Variants in EVI5L observed in about 807,000 individuals in gnomAD.
EVI5L encodes the protein EVI5-like protein.
In EVI5L, 30 loss-of-function variants were observed where a neutral mutation model predicts 106.1. The ratio of observed to expected loss-of-function variants is 0.28; its 90% confidence interval spans 0.21 to 0.38. The LOEUF is 0.38. Among genes scored for constraint, EVI5L ranks in the 10% least tolerant of loss-of-function variants. The pLI is 1.00. For missense variants in EVI5L, 809 were observed against 1,098.0 expected, an observed-to-expected ratio of 0.74 and a Z score of 3.72; for synonymous variants, 489 against 483.3, an observed-to-expected ratio of 1.01 and a Z score of -0.15.
At chr19:7,861,512 G>A (rs1456002648) in intron 14 of EVI5L, among the ~76,000 whole-genome samples, 1 of 152,258 alleles carries the variant, frequency 6.6e-6, no homozygotes, top group African/African-American at 2.4e-5. Context: ...GGTGTGGCCT[G>A]GCCTGGGGGC....
At position 7,856,748 on chromosome 19, in the gene EVI5L, A is replaced by G. The variant is rs1156790024; in HGVS notation, c.1201-344A>G. Among the ~76,000 whole-genome samples, 1 of 152,046 alleles carries G rather than the reference A, an allele frequency of 6.6e-6. No homozygotes were observed. Among genetic ancestry groups the G allele is most frequent in the African/African-American group, 2.4e-5 (1 of 41,392 alleles). ...TCTCCAGGAGGTCCGCACGAAGCCA[A>G]AAGTCCCCCTGCCCCCCACAGTTTT... On this transcript the variant is annotated intron_variant, in intron 11 of 19. Transcript: ENST00000538904. The surrounding 1 kb of genome is among the most constrained non-coding windows in gnomAD (Gnocchi z 6.6).
chr19:7,864,037 CTGAA>C lies in EVI5L; in HGVS notation c.*339_*342del, dbSNP rs1980000950. The C allele has an allele frequency of 1.0e-5, 3 of 299,254 alleles. No individual in the cohort carries two copies. The South Asian group carries it at 3.2e-4, about 32-fold the overall frequency. The allele number at this position is 299,254 out of a possible 1,614,324, so 18.5% of individuals were successfully genotyped here. ...GACAGACGACCCAGAGGTCCCAGCA[CTGAA>C]TGAGCAGGCAGCTCCCACCTCCTGG... On this transcript the variant is annotated 3_prime_UTR_variant, in exon 20 of 20. Transcript: ENST00000538904. This position sits in a 1 kb window ranked among gnomAD's most constrained non-coding sequence, Gnocchi z 4.5.
In EVI5L at chr19:7,849,150, G is replaced by T. The variant is rs373064291; in HGVS notation, c.552+5G>T. 1 of 1,610,996 alleles carries T rather than the reference G, an allele frequency of 6.2e-7. No individual in the cohort carries two copies. Among genetic ancestry groups the T allele is most frequent in the Middle Eastern group, 1.7e-4 (1 of 6,056 alleles). Reference sequence around the variant, plus strand: ...GTCCTCTTCAACGTCATGAAGGTGAGGCCCAGGGCTCCCCGCTCCCTCGGT... The same window carrying T: ...GTCCTCTTCAACGTCATGAAGGTGATGCCCAGGGCTCCCCGCTCCCTCGGT... On this transcript the variant is annotated splice_donor_5th_base_variant and intron_variant, in intron 4 of 19. Coordinates refer to ENST00000538904, the MANE Select transcript of EVI5L (RefSeq NM_001159944.3).
chr19:7,833,700 C>T (rs1019948450), intron 1 of EVI5L, among the ~76,000 whole-genome samples: 3 of 152,184 alleles, frequency 2.0e-5, no homozygotes, highest in Admixed American at 6.5e-5. Context: ...CTTTGATAGG[C>T]GTCTTACTAC....
At chr19:7,852,571 T>C (rs544976936) in intron 8 of EVI5L, among the ~76,000 whole-genome samples, 8 of 120,242 alleles carry the variant, frequency 6.7e-5, no homozygotes, top group African/African-American at 2.1e-4. Flanking sequence ...TTTTTTTTTT[T>C]AAGTCGGAGT....
chr19:7,847,819 C>A lies in EVI5L; in HGVS notation c.225C>A (p.Ala75=). ...CCTCGCTAGTGTCCAGCTCCTCGGC[C>A]TCCTCCAACCTGAGCCACCTGGAGG... ...SGSSLVSSSS[A]SSNLSHLEED... Residue 75 remains alanine (A), a synonymous_variant, in exon 3 of 20, where the codon GCC becomes GCA. Transcript: ENST00000538904. 1 of 1,611,892 alleles carries A rather than the reference C, an allele frequency of 6.2e-7. No individual in the cohort carries two copies. Among genetic ancestry groups the A allele is most frequent in the Non-Finnish European group, 8.5e-7 (1 of 1,179,196 alleles).
chr19:7,860,814 A>G, intron 14 of EVI5L, 125 bp downstream of exon 14: 2 of 1,135,662 alleles, frequency 1.8e-6, no homozygotes, highest in East Asian at 2.9e-5. Flanking sequence ...AACCATACAT[A>G]TGCACACACA....
chr19:7,831,652 C>G (rs1978293856), intron 1 of EVI5L, among the ~76,000 whole-genome samples: 2 of 152,256 alleles, frequency 1.3e-5, no homozygotes, highest in Non-Finnish European at 2.9e-5. Flanking sequence ...CTCTCCTACA[C>G]TAGTGTCCCG....
chr19:7,859,957 G>A (rs1348786810), intron 13 of EVI5L, among the ~76,000 whole-genome samples: 3 of 152,238 alleles, frequency 2.0e-5, no homozygotes, highest in Admixed American at 2.0e-4. Context: ...AGGCCACAAG[G>A]TCAGTGAGAG....
chr19:7,854,738 A>G (rs1568241550), intron 10 of EVI5L, among the ~76,000 whole-genome samples: 1 of 152,200 alleles, frequency 6.6e-6, no homozygotes, highest in Non-Finnish European at 1.5e-5. Flanking sequence ...CCAGATTGCT[A>G]TGAGGACCAG....
intron 16 of EVI5L, 43 bp from the exon 17 acceptor site, chr19:7,862,345 C>T (rs1485058783): frequency 6.3e-7 from 1 of 1,580,784 alleles, no homozygotes; most frequent in Non-Finnish European, 8.6e-7. Context: ...GAGTTAGGCC[C>T]TGACCGCCGC....
chr19:7,850,456 TG>T lies in EVI5L; in HGVS notation c.753+336del. Among the ~76,000 whole-genome samples, 1 of 151,990 alleles carries T rather than the reference TG, an allele frequency of 6.6e-6. No individual in the cohort carries two copies. The highest frequency in any genetic ancestry group is 1.9e-4 in the East Asian group (1 of 5,150). On this transcript the variant is annotated intron_variant, in intron 6 of 19. Transcript: ENST00000538904. The surrounding 1 kb of genome is among the most constrained non-coding windows in gnomAD (Gnocchi z 5.4). ...CCTCCCTGTCTGCTCCAGAGTGTGG[TG>T]GAAGGAGGGAGTGTTGTCTGCCTGC...
Position 7,846,504 on chromosome 19 carries a change from G to A in EVI5L, c.-39G>A, listed in dbSNP as rs1434368336. ...ATGTCTCTGGCCCCCAGACAGAGCTGTGAACCAACCCCGCTCACGGCTAAC... is the reference window on the plus strand; with the variant it reads ...ATGTCTCTGGCCCCCAGACAGAGCTATGAACCAACCCCGCTCACGGCTAAC... On this transcript the variant is annotated 5_prime_UTR_variant, in exon 2 of 20. The change creates a new upstream start codon in the 5' untranslated region. Coordinates refer to ENST00000538904, the MANE Select transcript of EVI5L (RefSeq NM_001159944.3). 6.3e-7 allele frequency: 1 copy of A among 1,583,944 alleles called. No individual in the cohort carries two copies. Among genetic ancestry groups the A allele is most frequent in the South Asian group, 1.1e-5 (1 of 88,058 alleles).
chr19:7,846,897 AG>A (rs1978976639), intron 2 of EVI5L, among the ~76,000 whole-genome samples: 2 of 152,226 alleles, frequency 1.3e-5, no homozygotes. Context: ...AAGGTTTGAG[AG>A]GTCAAGTGAA....
chr19:7,852,466 C>A (rs1002272185), intron 8 of EVI5L, among the ~76,000 whole-genome samples: 1 of 152,182 alleles, frequency 6.6e-6, no homozygotes, highest in Non-Finnish European at 1.5e-5. Context: ...CTCCTTCCCC[C>A]ACGAAGGTCC....
intron 10 of EVI5L, 98 bp from the exon 11 acceptor site, chr19:7,855,916 TG>T: frequency 8.8e-7 from 1 of 1,130,284 alleles, no homozygotes; most frequent in South Asian, 3.9e-5. Context: ...AAAAGTGGCC[TG>T]GCCCTAAGGG....
At chr19:7,854,446 G>A (rs1979431513) in intron 10 of EVI5L, among the ~76,000 whole-genome samples, 2 of 152,088 alleles carry the variant, frequency 1.3e-5, no homozygotes, top group African/African-American at 4.8e-5. Context: ...GCCGCACAGT[G>A]GCTAACACTG....
chr19:7,843,297 ATG>A (rs994092272), intron 1 of EVI5L, among the ~76,000 whole-genome samples: 16 of 68,092 alleles, frequency 2.3e-4, no homozygotes, highest in African/African-American at 4.0e-4. Context: ...TCATGTGTGC[ATG>A]TGTGTGAGAG....
At chr19:7,843,569 A>AGTGTGT (rs140318892) in intron 1 of EVI5L, among the ~76,000 whole-genome samples, 5 of 139,172 alleles carry the variant, frequency 3.6e-5, no homozygotes, top group Non-Finnish European at 7.7e-5. Flanking sequence ...TAGGTATGTG[A>AGTGTGT]GTGTGAGAAT....
Sources: allele counts gnomAD v4.1 joint callset (sites outside exome capture counted in the v4.1 genomes callset), GRCh38; gene constraint gnomAD v4.1.1; non-coding constraint Gnocchi (gnomAD v3.1); transcripts MANE v1.5; gene names NCBI Gene and HGNC (gene_info 2026-07-23, HGNC 2026-07-21).